Variants in RALGAPA2 observed in about 807,000 individuals in gnomAD.
The protein encoded by RALGAPA2 is Ral GTPase activating protein catalytic subunit alpha 2, also known as ral GTPase-activating protein subunit alpha-2.
In RALGAPA2, 139 loss-of-function variants were observed where a neutral mutation model predicts 230.4. The ratio of observed to expected loss-of-function variants is 0.60; its 90% CI spans 0.53 to 0.69. The LOEUF is 0.69. RALGAPA2 is among the 30% of genes least tolerant of loss of function. The pLI is 0.00. For missense variants in RALGAPA2, 2,163 were observed against 2,276.0 expected, an observed-to-expected ratio of 0.95 and a Z score of 1.01; for synonymous variants, 847 against 837.8, an observed-to-expected ratio of 1.01 and a Z score of -0.19.
intron 37 of RALGAPA2, among the ~76,000 whole-genome samples, chr20:20,457,119 C>A (rs2061140267): frequency 6.6e-6 from 1 of 152,192 alleles, no homozygotes; most frequent in African/African-American, 2.4e-5. Flanking sequence ...CTGACACTTG[C>A]ACCCTTCTTG....
At chr20:20,541,531 C>G (rs1373471616) in intron 24 of RALGAPA2, among the ~76,000 whole-genome samples, 1 of 152,106 alleles carries the variant, frequency 6.6e-6, no homozygotes, top group African/African-American at 2.4e-5. Context: ...CACTAAGTGA[C>G]TAATGGCTGG....
chr20:20,498,838 T>C (rs2062289999), intron 35 of RALGAPA2, among the ~76,000 whole-genome samples: 1 of 152,206 alleles, frequency 6.6e-6, no homozygotes, highest in African/African-American at 2.4e-5. Context: ...AGTGCAATTA[T>C]AGTCCTGGAG....
intron 35 of RALGAPA2, among the ~76,000 whole-genome samples, chr20:20,496,591 C>T (rs925257441): frequency 6.6e-6 from 1 of 152,086 alleles, no homozygotes; most frequent in Non-Finnish European, 1.5e-5. Context: ...TTAAAAATGA[C>T]TAAATTCAGA....
intron 8 of RALGAPA2, 114 bp from the exon 9 acceptor site, chr20:20,635,731 C>A: frequency 1.1e-6 from 1 of 906,132 alleles, no homozygotes. Context: ...TAAATAGCAA[C>A]TAAGAATGAA....
Position 20,591,215 on chromosome 20 carries a change from G to A in RALGAPA2, c.2303C>T (p.Ser768Phe). The A allele has an allele frequency of 1.2e-6, 2 of 1,613,884 alleles. No individual in the cohort carries two copies. Among genetic ancestry groups the A allele is most frequent in the Non-Finnish European group, 1.7e-6 (2 of 1,179,826 alleles). The change falls in exon 17 of 40, where the codon TCC becomes TTC. Residue 768 changes from serine (S) to phenylalanine (F), a missense_variant. Ser to Phe is a radical substitution (Grantham distance 155). Transcript: ENST00000202677. ...TGAGCACAGCGGCTCGGGGATGTCGGAGGTGCTGCTGCTCCGAAGGACCTG... is the reference window on the plus strand; with the variant it reads ...TGAGCACAGCGGCTCGGGGATGTCGAAGGTGCTGCTGCTCCGAAGGACCTG... ...QQQVLRSSST[S>F]DIPEPLCSDS...
chr20:20,709,494 A>C (rs925769165), intron 1 of RALGAPA2, among the ~76,000 whole-genome samples: 18 of 152,186 alleles, frequency 1.2e-4, no homozygotes, highest in African/African-American at 4.3e-4. Flanking sequence ...CCTGTTAAAA[A>C]AAAGACATGG....
intron 36 of RALGAPA2, among the ~76,000 whole-genome samples, chr20:20,480,178 C>T (rs1448330166): frequency 1.3e-5 from 2 of 152,170 alleles, no homozygotes; most frequent in African/African-American, 4.8e-5. Context: ...TAATGCATGG[C>T]ATGTATGTAT....
intron 35 of RALGAPA2, among the ~76,000 whole-genome samples, chr20:20,502,607 C>T (rs1181251146): frequency 1.3e-5 from 2 of 152,208 alleles, no homozygotes; most frequent in African/African-American, 4.8e-5. Flanking sequence ...CCACAGTAGA[C>T]TCCCCAGTGG....
intron 20 of RALGAPA2, among the ~76,000 whole-genome samples, chr20:20,578,159 T>A (rs2064879247): frequency 6.6e-6 from 1 of 152,146 alleles, no homozygotes; most frequent in Non-Finnish European, 1.5e-5. Context: ...TGTATGAGTT[T>A]CCTCAGTATT....
Position 20,712,510 on chromosome 20 carries a change from C to G in RALGAPA2, c.-30G>C. The G allele has an allele frequency of 6.5e-7, 1 of 1,537,362 alleles. No individual in the cohort carries two copies. The highest frequency in any genetic ancestry group is 8.8e-7 in the Non-Finnish European group (1 of 1,140,936). ...CGGCAGGAAGCCCGGGCCCCGCCGG[C>G]GGGGCAGTAGGCGCCTGCGCCACGC... On this transcript the variant is annotated 5_prime_UTR_variant, in exon 1 of 40. Coordinates refer to ENST00000202677, the MANE Select transcript of RALGAPA2 (RefSeq NM_020343.4). The surrounding 1 kb of genome is among the most constrained non-coding windows in gnomAD (Gnocchi z 5.5).
At chr20:20,493,758 C>T (rs911523461) in intron 36 of RALGAPA2, among the ~76,000 whole-genome samples, 1 of 152,286 alleles carries the variant, frequency 6.6e-6, no homozygotes, top group African/African-American at 2.4e-5. Flanking sequence ...TAAAGTAGTG[C>T]TCTTCATGGA....
chr20:20,686,266 C>A (rs1380968117), intron 1 of RALGAPA2, among the ~76,000 whole-genome samples: 1 of 152,120 alleles, frequency 6.6e-6, no homozygotes, highest in Non-Finnish European at 1.5e-5. Flanking sequence ...GGCTAACAGG[C>A]CAGGCATGGT....
chr20:20,571,600 G>C lies in RALGAPA2; in HGVS notation c.3014C>G (p.Pro1005Arg). The C allele has an allele frequency of 6.2e-7, 1 of 1,610,418 alleles. No homozygotes were observed. Among genetic ancestry groups the C allele is most frequent in the Non-Finnish European group, 8.5e-7 (1 of 1,178,322 alleles). Residue 1005 changes from proline to arginine, a missense_variant, in exon 23 of 40, where the codon CCA (proline) becomes CGA (arginine). Coordinates refer to ENST00000202677, the MANE Select transcript of RALGAPA2 (RefSeq NM_020343.4). ...ASWLFKAATL[P>R]NEYKEGKLQA... is the part of the protein sequence containing the mutation. Reference sequence around the variant, plus strand: ...TAGTTTGCCTTCCTTATATTCATTTGGCAGTGTCGCCGCCTGTCAAGGAGA... The same window carrying C: ...TAGTTTGCCTTCCTTATATTCATTTCGCAGTGTCGCCGCCTGTCAAGGAGA...
intron 36 of RALGAPA2, among the ~76,000 whole-genome samples, chr20:20,492,653 G>A (rs2123578638): frequency 1.3e-5 from 2 of 152,284 alleles, no homozygotes; most frequent in East Asian, 3.9e-4. Flanking sequence ...GTCCCTGGCG[G>A]TATGTGCAGT....
chr20:20,561,601 T>C lies in RALGAPA2; in HGVS notation c.3156+9857A>G, dbSNP rs958340344. Among the ~76,000 whole-genome samples the C allele has an allele frequency of 3.9e-5, 6 of 152,342 alleles. No homozygotes were observed. In the East Asian group the frequency reaches 5.8e-4, roughly 15 times the overall value. On this transcript the variant is annotated intron_variant, in intron 23 of 39. Coordinates refer to ENST00000202677, the MANE Select transcript of RALGAPA2 (RefSeq NM_020343.4). Reference sequence around the variant, plus strand: ...AGTAAGCTGAACCATTATGAAATTGTACCCCCTTTTTGAAAACTCATTTAA... The same window carrying C: ...AGTAAGCTGAACCATTATGAAATTGCACCCCCTTTTTGAAAACTCATTTAA...
chr20:20,616,798 T>C (rs1157830549), intron 12 of RALGAPA2, among the ~76,000 whole-genome samples: 1 of 152,184 alleles, frequency 6.6e-6, no homozygotes, highest in Non-Finnish European at 1.5e-5. Context: ...AAAGATATAT[T>C]ATGCAGTAGC....
At chr20:20,695,322 GAA>G (rs1964954476) in intron 1 of RALGAPA2, among the ~76,000 whole-genome samples, 1 of 152,306 alleles carries the variant, frequency 6.6e-6, no homozygotes, top group East Asian at 1.9e-4. Context: ...ATCATTCACT[GAA>G]AAGGATAAAA....
At chr20:20,613,735 G>T (rs1235400339) in intron 13 of RALGAPA2, among the ~76,000 whole-genome samples, 79 of 152,182 alleles carry the variant, frequency 5.2e-4, no homozygotes, top group Non-Finnish European at 1.5e-5. Context: ...TGTATCTGCT[G>T]CTCTTTCTAC....
intron 23 of RALGAPA2, among the ~76,000 whole-genome samples, chr20:20,569,752 C>T (rs2064564011): frequency 6.6e-6 from 1 of 152,040 alleles, no homozygotes; most frequent in Admixed American, 6.5e-5. Flanking sequence ...AAAGACAATT[C>T]TAAACTCATT....
Sources: gnomAD v4.1 joint callset for allele counts (sites outside exome capture counted in the v4.1 genomes callset) on GRCh38, gnomAD v4.1.1 for gene constraint, Gnocchi (gnomAD v3.1) non-coding constraint, MANE v1.5 for transcripts, NCBI Gene and HGNC (gene_info 2026-07-23, HGNC 2026-07-21) for gene names.